Variants in ACSF2 observed in about 807,000 individuals in gnomAD.
The protein encoded by ACSF2 is medium-chain acyl-CoA ligase ACSF2, mitochondrial.
In ACSF2, 52 loss-of-function variants were observed where a neutral mutation model predicts 79.3. That is an observed-to-expected ratio of 0.66 (90% CI 0.53 to 0.83). The LOEUF is 0.83. Among genes scored for constraint, ACSF2 ranks in the 40% least tolerant of loss-of-function variants. The pLI is 0.00. For synonymous variants in ACSF2, 283 were observed against 312.6 expected, an observed-to-expected ratio of 0.91 and a Z score of 1.00; for missense variants, 661 against 803.3, an observed-to-expected ratio of 0.82 and a Z score of 2.14.
intron 4 of ACSF2, 122 bp from the exon 5 acceptor site, chr17:50,462,062 C>A: frequency 1.3e-6 from 1 of 777,438 alleles, no homozygotes; most frequent in Non-Finnish European, 2.1e-6. Flanking sequence ...TGTGAGTGTG[C>A]TGGAGGTGTG....
intron 4 of ACSF2, 80 bp downstream of exon 4, chr17:50,461,766 C>T (rs369697575): frequency 6.5e-5 from 100 of 1,541,122 alleles, no homozygotes; most frequent in African/African-American, 2.2e-4. Flanking sequence ...CAGAGTCTGA[C>T]GGTGTGAGCT....
Position 50,463,996 on chromosome 17 carries a change from T to A in ACSF2, c.1138+87T>A. On this transcript the variant is annotated intron_variant, in intron 9 of 15. Coordinates refer to ENST00000300441, the MANE Select transcript of ACSF2 (RefSeq NM_025149.6). This position sits in a 1 kb window ranked among gnomAD's most constrained non-coding sequence, Gnocchi z 4.6. ...CCGGGTGAGTTAGCTATGCTCCCAGTCTTTTATATAGGGGGCAAGAAGGAC... is the reference window on the plus strand; with the variant it reads ...CCGGGTGAGTTAGCTATGCTCCCAGACTTTTATATAGGGGGCAAGAAGGAC... 1 of 1,343,382 alleles carries A rather than the reference T, an allele frequency of 7.4e-7. No individual in the cohort carries two copies. Among genetic ancestry groups the A allele is most frequent in the Non-Finnish European group, 1.1e-6 (1 of 942,046 alleles). 83.2% of individuals were successfully genotyped at this position (1,343,382 alleles called of 1,614,324 possible).
rs757421158 is a variant in ACSF2, at chr17:50,426,240, G to A, written c.-22G>A. 5 of 1,323,722 alleles carry A rather than the reference G, an allele frequency of 3.8e-6. No homozygotes were observed. In the Admixed American group the frequency reaches 1.0e-4, roughly 27 times the overall value. The allele number at this position is 1,323,722 out of a possible 1,614,324, so 82.0% of individuals were successfully genotyped here. ...CTCACTTTAAAAGTTTACTCGGGCC[G>A]GGACGCAGGGCAAAGCGAGCCATGG... On this transcript the variant is annotated 5_prime_UTR_variant, in exon 1 of 16. Coordinates refer to ENST00000300441, the MANE Select transcript of ACSF2 (RefSeq NM_025149.6).
In ACSF2 at chr17:50,462,300, G is replaced by A; in HGVS notation, c.624G>A (p.Gln208=). The change falls in exon 5 of 16, where the codon CAG becomes CAA. Residue 208 remains glutamine, a splice_region_variant and synonymous_variant. Coordinates refer to ENST00000300441, the MANE Select transcript of ACSF2 (RefSeq NM_025149.6). ...CCCAGCCAGGGGCCTTGAAGAGTCA[G>A]AGGTGGGTGTGTCCCAGGTTAGTGG... The part of the protein sequence containing the change: ...ENAQPGALKS[Q]RLPDLTTVIS... 1 of 1,613,948 alleles carries A rather than the reference G, an allele frequency of 6.2e-7. No homozygotes were observed. Among genetic ancestry groups the A allele is most frequent in the Non-Finnish European group, 8.5e-7 (1 of 1,179,980 alleles).
chr17:50,464,868 C>G (rs1567858634), intron 10 of ACSF2: 1 of 354,342 alleles, frequency 2.8e-6, no homozygotes, highest in Non-Finnish European at 5.5e-6. Flanking sequence ...CCCCAGGACA[C>G]TGCTGGGTGG....
chr17:50,465,145 C>G (rs2032613520), intron 10 of ACSF2: 1 of 872,856 alleles, frequency 1.1e-6, no homozygotes. Flanking sequence ...TTCCTCCCTT[C>G]AACAGGGGAC....
chr17:50,467,125 C>T (rs773076079), intron 10 of ACSF2, among the ~76,000 whole-genome samples: 11 of 152,230 alleles, frequency 7.2e-5, no homozygotes, highest in Non-Finnish European at 1.3e-4. Context: ...GTGATTTTTC[C>T]AGTCCCAGAG....
At chr17:50,460,936 C>T in intron 2 of ACSF2, 64 bp downstream of exon 2, 2 of 1,527,616 alleles carry the variant, frequency 1.3e-6, no homozygotes, top group South Asian at 2.5e-5. Flanking sequence ...CCTAGCTGGG[C>T]AGAACCAGGA....
chr17:50,462,515 A>T lies in ACSF2; in HGVS notation c.722A>T (p.His241Leu). 1 of 1,613,924 alleles carries T rather than the reference A, an allele frequency of 6.2e-7. No homozygotes were observed. The highest frequency in any genetic ancestry group is 1.3e-5 in the African/African-American group (1 of 74,984). ...GTGGCGGCTGGCAGCACACGGCAGC[A>T]TCTGGACCAGCTCCAATACAACCAG... Reference protein sequence around the residue: ...EVVAAGSTRQHLDQLQYNQQF... With the variant: ...EVVAAGSTRQLLDQLQYNQQF... Residue 241 changes from histidine to leucine, a missense_variant, in exon 6 of 16, where the codon CAT (histidine) becomes CTT (leucine). Coordinates refer to ENST00000300441, the MANE Select transcript of ACSF2 (RefSeq NM_025149.6).
chr17:50,474,070 C>G lies in ACSF2; in HGVS notation c.1728+66C>G. On this transcript the variant is annotated intron_variant, in intron 14 of 15. Coordinates refer to ENST00000300441, the MANE Select transcript of ACSF2 (RefSeq NM_025149.6). The surrounding 1 kb of genome is among the most constrained non-coding windows in gnomAD (Gnocchi z 4.2). Reference sequence around the variant, plus strand: ...TTTGCTCACCCACTCCTCTGCCAACCAGCCCAGGGTGGGGATTGCTCTGCC... The same window carrying G: ...TTTGCTCACCCACTCCTCTGCCAACGAGCCCAGGGTGGGGATTGCTCTGCC... 6.4e-7 allele frequency: 1 copy of G among 1,561,610 alleles called. No homozygotes were observed. Among genetic ancestry groups the G allele is most frequent in the Non-Finnish European group, 8.7e-7 (1 of 1,148,196 alleles).
At chr17:50,443,775 A>G (rs766466834) in intron 1 of ACSF2, among the ~76,000 whole-genome samples, 1 of 152,206 alleles carries the variant, frequency 6.6e-6, no homozygotes, top group African/African-American at 2.4e-5. Context: ...CCAACATTCC[A>G]TATAATCAAT....
chr17:50,464,573 C>T (rs187050319), intron 10 of ACSF2: 345 of 589,290 alleles, frequency 5.9e-4, no homozygotes, highest in Non-Finnish European at 8.1e-4. Context: ...AGCAAAGCAC[C>T]GATGTCCTGC....
At position 50,461,613 on chromosome 17, in the gene ACSF2, G is replaced by A. The variant is rs781433116; in HGVS notation, c.454-20G>A. The A allele has an allele frequency of 6.2e-7, 1 of 1,614,078 alleles. No homozygotes were observed. The highest frequency in any genetic ancestry group is 8.5e-7 in the Non-Finnish European group (1 of 1,179,990). On this transcript the variant is annotated intron_variant, in intron 3 of 15. Coordinates refer to ENST00000300441, the MANE Select transcript of ACSF2 (RefSeq NM_025149.6). ...CAGGGTCTGCCCAGAATACTGATAT[G>A]CCCTCGCCGCTTCCACCAGGTGTCT... is the stretch of plus-strand genomic sequence containing the variant.
intron 1 of ACSF2, among the ~76,000 whole-genome samples, chr17:50,445,929 A>G (rs1296897238): frequency 6.6e-6 from 1 of 152,226 alleles, no homozygotes; most frequent in Admixed American, 6.5e-5. Context: ...AACCTGTAGA[A>G]CATGCATCCA....
chr17:50,430,728 A>G (rs1230451977), intron 1 of ACSF2, among the ~76,000 whole-genome samples: 2 of 152,236 alleles, frequency 1.3e-5, no homozygotes, highest in African/African-American at 4.8e-5. Flanking sequence ...ATGTACATTA[A>G]AATGATATAA....
chr17:50,440,061 G>C (rs1414842717), intron 1 of ACSF2, among the ~76,000 whole-genome samples: 1 of 152,098 alleles, frequency 6.6e-6, no homozygotes, highest in Non-Finnish European at 1.5e-5. Flanking sequence ...ATAAATCCAG[G>C]CTGTTGCTTG....
At position 50,463,592 on chromosome 17, in the gene ACSF2, C is replaced by A. The variant is rs758532981; in HGVS notation, c.1046+40C>A. ...ACAGGCTACTTGTGGGCTGATAAAA[C>A]CCTCTTCTTCCTCACTCCTGGGCCC... is the stretch of plus-strand genomic sequence containing the variant. On this transcript the variant is annotated intron_variant, in intron 8 of 15. Coordinates refer to ENST00000300441, the MANE Select transcript of ACSF2 (RefSeq NM_025149.6). This position sits in a 1 kb window ranked among gnomAD's most constrained non-coding sequence, Gnocchi z 4.6. 32 of 1,603,196 alleles carry A rather than the reference C, an allele frequency of 2.0e-5. No individual in the cohort carries two copies. In the African/African-American group the frequency reaches 3.2e-4, roughly 16 times the overall value.
Position 50,471,144 on chromosome 17 carries a change from C to G in ACSF2, c.1323+9C>G. The stretch of plus-strand genomic sequence containing the variant: ...TTATGCCTCACACGGAGGTGAGCCC[C>G]TGACCAAGACTCCAAAGTCCCACCT... On this transcript the variant is annotated intron_variant, in intron 11 of 15. Transcript: ENST00000300441. The surrounding 1 kb of genome is among the most constrained non-coding windows in gnomAD (Gnocchi z 4.1). 6.2e-7 allele frequency: 1 copy of G among 1,611,748 alleles called. No homozygotes were observed. Among genetic ancestry groups the G allele is most frequent in the Non-Finnish European group, 8.5e-7 (1 of 1,177,890 alleles).
At position 50,474,645 on chromosome 17, in the gene ACSF2, G is replaced by A; in HGVS notation, c.*93G>A. ...TGCACCTAGATGTCCCCAGCACCCA[G>A]TTCTGAGCCAGGCACATCAAATGTC... On this transcript the variant is annotated 3_prime_UTR_variant, in exon 16 of 16. Coordinates refer to ENST00000300441, the MANE Select transcript of ACSF2 (RefSeq NM_025149.6). The surrounding 1 kb of genome is among the most constrained non-coding windows in gnomAD (Gnocchi z 4.2). 1 of 1,309,196 alleles carries A rather than the reference G, an allele frequency of 7.6e-7. No homozygotes were observed. The highest frequency in any genetic ancestry group is 1.1e-6 in the Non-Finnish European group (1 of 911,838). 81.1% of individuals were successfully genotyped at this position (1,309,196 alleles called of 1,614,324 possible).
Sources: allele counts gnomAD v4.1 joint callset (sites outside exome capture counted in the v4.1 genomes callset), GRCh38; gene constraint gnomAD v4.1.1; non-coding constraint Gnocchi (gnomAD v3.1); transcripts MANE v1.5; gene names NCBI Gene and HGNC (gene_info 2026-07-23, HGNC 2026-07-21).